AGXT2: variants seen among roughly 807,000 people sequenced by gnomAD.
AGXT2 encodes the protein alanine--glyoxylate aminotransferase 2, mitochondrial.
In AGXT2, 61 loss-of-function variants were observed where a neutral mutation model predicts 62.5. The observed-to-expected ratio is 0.98, with a 90% CI of 0.79 to 1.21. AGXT2 has a LOEUF of 1.21. AGXT2 is among the 50% of genes most tolerant of loss of function. AGXT2 has a pLI of 0.00. For missense variants in AGXT2, 666 were observed against 641.5 expected (o/e 1.04, Z -0.41); for synonymous variants, 243 against 218.7 (o/e 1.11, Z -0.98).
At chr5:35,013,586 A>T (rs1366661893) in intron 10 of AGXT2, among the ~76,000 whole-genome samples, 1 of 152,174 alleles carries the variant, frequency 6.6e-6, no homozygotes, top group East Asian at 1.9e-4. Context: ...GTTTGAGACC[A>T]GCCTGGCCAA....
chr5:35,032,240 C>T (rs13174311), intron 7 of AGXT2, among the ~76,000 whole-genome samples: 39,084 of 151,624 alleles, frequency 0.26, 5,792 homozygotes, highest in Non-Finnish European at 0.34. Context: ...CTGTCAGCCA[C>T]CATGCCCCGC....
intron 8 of AGXT2, chr5:35,026,171 C>A: frequency 1.7e-6 from 1 of 601,678 alleles, no homozygotes; most frequent in Non-Finnish European, 2.9e-6. Flanking sequence ...CCAGGGTTTC[C>A]TCTTCTTAAG....
intron 7 of AGXT2, among the ~76,000 whole-genome samples, chr5:35,028,597 GAGAGAGAGAGAGAGAGAGAGAGAA>G (rs1767451486): frequency 2.4e-5 from 3 of 127,336 alleles, no homozygotes; most frequent in African/African-American, 1.2e-4. Flanking sequence ...GAGAGAGAGA[GAGAGAGAGAGAGAGAGAGAGAGAA>G]ATTCTTCTAC....
At chr5:35,006,464 A>C (rs163843) in intron 12 of AGXT2, among the ~76,000 whole-genome samples, 46,760 of 152,028 alleles carry the variant, frequency 0.31, 7,771 homozygotes, top group East Asian at 0.44. Flanking sequence ...CAGAAGGCAA[A>C]GGGTGAGCAG....
At position 35,026,492 on chromosome 5, in the gene AGXT2, T is replaced by C; in HGVS notation, c.788A>G (p.Asp263Gly). Residue 263 changes from aspartate (D) to glycine (G), a missense_variant, in exon 8 of 14, where the codon GAT becomes GGT. Physicochemically the swap from Asp to Gly is moderately conservative, Grantham distance 94. Coordinates refer to ENST00000231420, the MANE Select transcript of AGXT2 (RefSeq NM_031900.4). Reference sequence around the variant, plus strand: ...ATCTTTGAATTGCTCAATATACTGATCTTTAGCTTGGCAGCAGTCTGCAAA... The same window carrying C: ...ATCTTTGAATTGCTCAATATACTGACCTTTAGCTTGGCAGCAGTCTGCAAA... ...SCAPDCCQAK[D>G]QYIEQFKDTL... is the part of the protein sequence containing the mutation. 1 of 1,613,932 alleles carries C rather than the reference T, an allele frequency of 6.2e-7. No homozygotes were observed. Among genetic ancestry groups the C allele is most frequent in the Non-Finnish European group, 8.5e-7 (1 of 1,179,968 alleles).
Position 35,009,997 on chromosome 5 carries a change from T to C in AGXT2, c.1338+3A>G, listed in dbSNP as rs1288117359. 1 of 1,614,222 alleles carries C rather than the reference T, an allele frequency of 6.2e-7. No homozygotes were observed. Among genetic ancestry groups the C allele is most frequent in the Non-Finnish European group, 8.5e-7 (1 of 1,180,032 alleles). On this transcript the variant is annotated splice_donor_region_variant and intron_variant, in intron 12 of 13. Transcript: ENST00000231420. ...TGAGAGAGAGGGGCAGATTAGCACC[T>C]ACCTTATCCTGCACCATTTCTATGC...
chr5:35,019,542 A>C (rs1766985530), intron 9 of AGXT2, among the ~76,000 whole-genome samples: 1 of 152,324 alleles, frequency 6.6e-6, no homozygotes, highest in African/African-American at 2.4e-5. Flanking sequence ...CAAAGACAAA[A>C]CATACCAGAA....
At chr5:35,041,223 C>CGGAAAAAAAA (rs70973023) in intron 1 of AGXT2, among the ~76,000 whole-genome samples, 3 of 51,402 alleles carry the variant, frequency 5.8e-5, no homozygotes, top group African/African-American at 9.0e-5. Flanking sequence ...CTCCCCCCGC[C>CGGAAAAAAAA]AAAAAAAAAA....
chr5:35,005,455 C>A (rs1323810311), intron 12 of AGXT2, among the ~76,000 whole-genome samples: 1 of 152,102 alleles, frequency 6.6e-6, no homozygotes. Flanking sequence ...TCTCGAACTC[C>A]TGACCTCAAG....
At chr5:35,022,278 G>A (rs1209272053) in intron 9 of AGXT2, among the ~76,000 whole-genome samples, 2 of 152,090 alleles carry the variant, frequency 1.3e-5, no homozygotes, top group Non-Finnish European at 2.9e-5. Flanking sequence ...GCACACGTAT[G>A]TTTATTGTGG....
intron 6 of AGXT2, chr5:35,033,137 T>TTC: frequency 2.0e-6 from 1 of 492,080 alleles, no homozygotes; most frequent in African/African-American, 1.9e-5. Context: ...AAAATGTGGG[T>TTC]ACAGTAAGTG....
chr5:35,016,674 G>A (rs1489175543), intron 9 of AGXT2, among the ~76,000 whole-genome samples: 1 of 151,942 alleles, frequency 6.6e-6, no homozygotes, highest in African/African-American at 2.4e-5. Context: ...CAAATAAAGT[G>A]GTCTTCCTTG....
At chr5:35,030,687 T>C (rs1427248557) in intron 7 of AGXT2, among the ~76,000 whole-genome samples, 2 of 152,166 alleles carry the variant, frequency 1.3e-5, no homozygotes, top group Non-Finnish European at 2.9e-5. Flanking sequence ...GAAGGCCTTA[T>C]AGTAGGCTTG....
At chr5:35,038,799 A>G (rs928656786) in intron 3 of AGXT2, among the ~76,000 whole-genome samples, 1 of 152,234 alleles carries the variant, frequency 6.6e-6, no homozygotes, top group Non-Finnish European at 1.5e-5. Flanking sequence ...TATACCGTCA[A>G]CACTGCAGAC....
At chr5:35,006,292 T>A (rs1332507460) in intron 12 of AGXT2, among the ~76,000 whole-genome samples, 1 of 152,206 alleles carries the variant, frequency 6.6e-6, no homozygotes, top group East Asian at 1.9e-4. Context: ...TTCTAGAAAT[T>A]GCCAGGTATG....
At chr5:35,000,068 G>A (rs1766172823) in intron 13 of AGXT2, among the ~76,000 whole-genome samples, 1 of 152,128 alleles carries the variant, frequency 6.6e-6, no homozygotes, top group African/African-American at 2.4e-5. Context: ...AGACTGGTTG[G>A]TGCTTATTGG....
intron 1 of AGXT2, among the ~76,000 whole-genome samples, chr5:35,046,682 G>T (rs1231520042): frequency 2.6e-5 from 4 of 152,266 alleles, no homozygotes; most frequent in Middle Eastern, 3.4e-3. Flanking sequence ...AATTTTCAGG[G>T]GTAAGAAAGC....
At chr5:35,045,764 C>CTTTTTTTTTTTTTTTTT (rs1255749919) in intron 1 of AGXT2, among the ~76,000 whole-genome samples, 2 of 99,160 alleles carry the variant, frequency 2.0e-5, no homozygotes, top group South Asian at 3.5e-4. Context: ...TTTCTTTTTT[C>CTTTTTTTTTTTTTTTTT]TTTTTTTTTT....
chr5:34,998,828 TGAG>T lies in AGXT2; in HGVS notation c.1438-5_1438-3del. On this transcript the variant is annotated splice_region_variant and splice_polypyrimidine_tract_variant and intron_variant, in intron 13 of 13. Coordinates refer to ENST00000231420, the MANE Select transcript of AGXT2 (RefSeq NM_031900.4). The stretch of plus-strand genomic sequence containing the variant: ...CATTGAGGGCGCAATGCGAAATGTC[TGAG>T]GAGACACCAAAAAATAAGAAAACAA... 1 of 1,601,378 alleles carries T rather than the reference TGAG, an allele frequency of 6.2e-7. No homozygotes were observed. The highest frequency in any genetic ancestry group is 8.6e-7 in the Non-Finnish European group (1 of 1,169,094).
Sources: gnomAD v4.1 joint callset for allele counts (sites outside exome capture counted in the v4.1 genomes callset) on GRCh38, gnomAD v4.1.1 for gene constraint, MANE v1.5 for transcripts, NCBI Gene and HGNC (gene_info 2026-07-23, HGNC 2026-07-21) for gene names.